The following FRMPD3 variants were observed in gnomAD, a reference collection of about 807,000 sequenced individuals.
FRMPD3 encodes the protein FERM and PDZ domain containing 3.
A neutral mutation model predicts 97.9 loss-of-function variants in FRMPD3; 42 were observed. The ratio of observed to expected loss-of-function variants is 0.43; its 90% confidence interval spans 0.34 to 0.55. The LOEUF is 0.55. FRMPD3 is among the 20% of genes least tolerant of loss of function. The pLI, the probability that FRMPD3 is intolerant of heterozygous loss-of-function variation, is 0.03. For synonymous variants in FRMPD3, 577 were observed against 581.1 expected (o/e 0.99, Z 0.10); for missense variants, 1,303 against 1,457.7 (o/e 0.89, Z 1.73).
intron 1 of FRMPD3, among the ~76,000 whole-genome samples, chrX:107,494,197 C>T (rs1921726116): frequency 8.9e-6 from 1 of 112,087 alleles, no homozygotes; most frequent in South Asian, 3.8e-4. Flanking sequence ...CTCCTACATT[C>T]CCATCGGAGC....
intron 12 of FRMPD3, among the ~76,000 whole-genome samples, chrX:107,566,781 T>C: frequency 8.9e-6 from 1 of 112,715 alleles, no homozygotes; most frequent in Non-Finnish European, 1.9e-5. Flanking sequence ...ATGCAACCAC[T>C]TTGAGAATGC....
intron 1 of FRMPD3, among the ~76,000 whole-genome samples, chrX:107,495,657 G>A (rs756782572): frequency 1.7e-4 from 19 of 111,332 alleles, no homozygotes; most frequent in Non-Finnish European, 3.2e-4. Context: ...AGGAATGAAT[G>A]TGTGACTTCA....
intron 1 of FRMPD3, among the ~76,000 whole-genome samples, chrX:107,490,898 G>A (rs1410139502): frequency 8.9e-6 from 1 of 112,037 alleles, no homozygotes; most frequent in Non-Finnish European, 1.9e-5. Context: ...GTTCTCAGAT[G>A]CTGGATGACT....
At chrX:107,579,490 G>A (rs1005941384) in intron 13 of FRMPD3, among the ~76,000 whole-genome samples, 10 of 112,438 alleles carry the variant, frequency 8.9e-5, no homozygotes, top group African/African-American at 3.2e-4. Flanking sequence ...AACAGACATA[G>A]TCCTTATGAT....
At chrX:107,506,806 C>T (rs1231094892) in intron 1 of FRMPD3, among the ~76,000 whole-genome samples, 2 of 111,760 alleles carry the variant, frequency 1.8e-5, no homozygotes, top group Non-Finnish European at 3.8e-5. Context: ...TAGGGCTGAG[C>T]CAGTCGCCTC....
At chrX:107,526,425 G>C (rs2147549083) in intron 1 of FRMPD3, among the ~76,000 whole-genome samples, 157 bp from the exon 2 acceptor site, 1 of 111,349 alleles carries the variant, frequency 9.0e-6, no homozygotes, top group South Asian at 3.8e-4. Context: ...TGAAATATGA[G>C]GCAGTCATCA....
chrX:107,453,506 G>T (rs1931325506), intron 1 of FRMPD3, among the ~76,000 whole-genome samples: 1 of 111,166 alleles, frequency 9.0e-6, no homozygotes, highest in South Asian at 3.8e-4. Context: ...AGAAAATTCT[G>T]TTCTGGCTCT....
At chrX:107,568,566 C>CA (rs749398991) in intron 12 of FRMPD3, among the ~76,000 whole-genome samples, 1,078 of 52,777 alleles carry the variant, frequency 0.02, 15 homozygotes, top group African/African-American at 0.044. Flanking sequence ...ACTAAAAATG[C>CA]AAAAAAAAAA....
chrX:107,513,182 C>T (rs762842181), intron 1 of FRMPD3: 76 of 111,801 alleles, frequency 6.8e-4, no homozygotes, highest in African/African-American at 2.4e-3. Flanking sequence ...CCCTCCTGAC[C>T]TGCTAGAATG....
chrX:107,480,900 GAAAGAAAGAAAGAAAGAAAGAAA>G (rs1921341318), intron 1 of FRMPD3, among the ~76,000 whole-genome samples: 10 of 51,362 alleles, frequency 1.9e-4, no homozygotes, highest in South Asian at 1.1e-3. Context: ...AGGAAGGAAA[GAAAGAAAGAAAGAAAGAAAGAAA>G]GAAAGAAAGA....
chrX:107,449,842 C>T lies in FRMPD3; in HGVS notation c.-171C>T, dbSNP rs1328105384. On this transcript the variant is annotated 5_prime_UTR_variant, in exon 1 of 15. Transcript: ENST00000683843. ...AACCTCTGCCCGCCCCGCCGCCCGG[C>T]GCCACTGAGCCCCAAGCCCATGCCG... is the stretch of plus-strand genomic sequence containing the variant. 9.2e-6 allele frequency among the ~76,000 whole-genome samples: 1 copy of T among 108,369 alleles called. No homozygotes were observed. The highest frequency in any genetic ancestry group is 3.3e-5 in the African/African-American group (1 of 30,170). 94.1% of individuals were successfully genotyped at this position (108,369 alleles called of 115,157 possible). A position where few individuals can be genotyped will look rare whatever the true frequency, so the allele number is the denominator to read the frequency against.
rs749558817 is a variant in FRMPD3 at position 107,483,994 on chromosome X, ACACT to A, written c.-8+33997_-8+34000del. On this transcript the variant is annotated intron_variant, in intron 1 of 14. Coordinates refer to ENST00000683843, the MANE Select transcript of FRMPD3 (RefSeq NM_001388459.1). ...TAGTGCCCTATCAAGACCCCACCAG[ACACT>A]CACTCACCCTCCCTGGGCTGCAGGG... Among the ~76,000 whole-genome samples, 10 of 111,636 alleles carry A rather than the reference ACACT, an allele frequency of 9.0e-5. No homozygotes were observed. The East Asian group carries it at 2.6e-3, about 29-fold the overall frequency.
intron 4 of FRMPD3, among the ~76,000 whole-genome samples, chrX:107,544,219 G>A (rs1462770392): frequency 9.0e-6 from 1 of 111,462 alleles, no homozygotes; most frequent in Non-Finnish European, 1.9e-5. Context: ...AGCATAGAAT[G>A]GTGATCACTA....
intron 3 of FRMPD3, among the ~76,000 whole-genome samples, chrX:107,533,270 A>G (rs999366114): frequency 3.6e-5 from 4 of 111,570 alleles, no homozygotes; most frequent in Non-Finnish European, 7.5e-5. Context: ...AAAAATGACA[A>G]CCCCAGAGGT....
chrX:107,469,378 G>C (rs984774800), intron 1 of FRMPD3, among the ~76,000 whole-genome samples: 1 of 111,519 alleles, frequency 9.0e-6, no homozygotes, highest in Non-Finnish European at 1.9e-5. Context: ...GATCTCATGA[G>C]ACCCATTCAC....
At chrX:107,520,876 A>G (rs1428501480) in intron 1 of FRMPD3, among the ~76,000 whole-genome samples, 1 of 112,379 alleles carries the variant, frequency 8.9e-6, no homozygotes, top group Non-Finnish European at 1.9e-5. Context: ...TCATGAGGTT[A>G]TAGTGAAAAT....
At chrX:107,568,377 TC>T (rs1186376489) in intron 12 of FRMPD3, among the ~76,000 whole-genome samples, 1 of 42,297 alleles carries the variant, frequency 2.4e-5, no homozygotes, top group East Asian at 1.0e-3. Context: ...CCCTCCCCCC[TC>T]CCCCCACCCC....
At chrX:107,504,242 C>T (rs907969719) in intron 1 of FRMPD3, among the ~76,000 whole-genome samples, 3 of 112,836 alleles carry the variant, frequency 2.7e-5, no homozygotes, top group Admixed American at 9.3e-5. Flanking sequence ...GGCTCAAGGC[C>T]GGGTGCTTTC....
At chrX:107,461,832 T>C (rs954545105) in intron 1 of FRMPD3, among the ~76,000 whole-genome samples, 6 of 109,979 alleles carry the variant, frequency 5.5e-5, no homozygotes, top group African/African-American at 1.7e-4. Context: ...TGTGTGTCTG[T>C]GTGTCTGTCT....
Sources: allele counts gnomAD v4.1 joint callset (sites outside exome capture counted in the v4.1 genomes callset), GRCh38; gene constraint gnomAD v4.1.1; transcripts MANE v1.5; gene names NCBI Gene and HGNC (gene_info 2026-07-23, HGNC 2026-07-21).